The following PRKCG variants were observed in gnomAD, a reference collection of about 807,000 sequenced individuals.
PRKCG encodes protein kinase C gamma.
Under a neutral mutation model 82.0 loss-of-function variants are expected in PRKCG, and 28 were observed. The observed-to-expected ratio is 0.34, with a 90% CI of 0.25 to 0.47. PRKCG has a LOEUF of 0.47. Among genes scored for constraint, PRKCG ranks in the 20% least tolerant of loss-of-function variants. The pLI, the probability that PRKCG is intolerant of heterozygous loss-of-function variation, is 1.00. For missense variants in PRKCG, 640 were observed against 952.7 expected, an observed-to-expected ratio of 0.67 and a Z score of 4.32; for synonymous variants, 383 against 376.6, an observed-to-expected ratio of 1.02 and a Z score of -0.20.
chr19:53,906,058 C>G (rs2068804058), intron 16 of PRKCG, among the ~76,000 whole-genome samples: 1 of 67,890 alleles, frequency 1.5e-5, no homozygotes, highest in African/African-American at 1.4e-4. Flanking sequence ...CCTCCTCCTC[C>G]TCCTCCTCCT....
At chr19:53,890,493 G>A (rs762075944) in intron 5 of PRKCG, among the ~76,000 whole-genome samples, 45 of 151,970 alleles carry the variant, frequency 3.0e-4, no homozygotes, top group South Asian at 1.5e-3. Context: ...CCTGACCCCA[G>A]GTGATCCCCT....
chr19:53,898,782 CGGGGGGGGGTCCTTGGG>C (rs2068737529), intron 11 of PRKCG, among the ~76,000 whole-genome samples, 154 bp downstream of exon 11: 1 of 30,096 alleles, frequency 3.3e-5, no homozygotes, highest in Non-Finnish European at 5.9e-5. Flanking sequence ...GGGGCGTGGC[CGGGGGGGGGTCCTTGGG>C]GGGCGTGGCC....
chr19:53,889,854 C>A lies in PRKCG; in HGVS notation c.398-32C>A. 1 of 1,565,110 alleles carries A rather than the reference C, an allele frequency of 6.4e-7. No individual in the cohort carries two copies. The highest frequency in any genetic ancestry group is 8.7e-7 in the Non-Finnish European group (1 of 1,155,822). ...GTGGAGTCTTGGCTTGGGGGCGGGG[C>A]CTGAGGTGCTACCCGCAGCTTTCCC... is the stretch of plus-strand genomic sequence containing the variant. On this transcript the variant is annotated intron_variant, in intron 4 of 17. Transcript: ENST00000263431. The surrounding 1 kb of genome is among the most constrained non-coding windows in gnomAD (Gnocchi z 4.4).
chr19:53,885,578 G>A (rs1182018161), intron 3 of PRKCG, among the ~76,000 whole-genome samples: 2 of 152,106 alleles, frequency 1.3e-5, no homozygotes, highest in Admixed American at 6.6e-5. Flanking sequence ...GCCACCAAAT[G>A]GGACAGCACA....
At chr19:53,899,536 G>T in intron 11 of PRKCG, among the ~76,000 whole-genome samples, 1 of 152,078 alleles carries the variant, frequency 6.6e-6, no homozygotes, top group Non-Finnish European at 1.5e-5. Context: ...CAGGGGCTCC[G>T]AATGAGAGTG....
intron 6 of PRKCG, 110 bp downstream of exon 6, chr19:53,891,940 G>T (rs1233010863): frequency 1.5e-6 from 2 of 1,361,060 alleles, no homozygotes; most frequent in African/African-American, 2.9e-5. Flanking sequence ...AGGGAACCCA[G>T]AAAAGGGCAG....
At chr19:53,893,530 A>G in intron 9 of PRKCG, 139 bp downstream of exon 9, 4 of 940,290 alleles carry the variant, frequency 4.3e-6, no homozygotes, top group Non-Finnish European at 5.1e-6. Context: ...GTGCTTGCTG[A>G]ATAATCCAGG....
chr19:53,893,231 C>T (rs1385425110), intron 8 of PRKCG, 131 bp from the exon 9 acceptor site: 3 of 1,291,220 alleles, frequency 2.3e-6, no homozygotes, highest in South Asian at 1.2e-5. Flanking sequence ...GGACTCGAGC[C>T]CCAGGGTCTG....
Position 53,904,701 on chromosome 19 carries a change from C to T in PRKCG, c.1723C>T (p.Pro575Ser). 6.2e-7 allele frequency: 1 copy of T among 1,613,832 alleles called. No homozygotes were observed. Among genetic ancestry groups the T allele is most frequent in the Non-Finnish European group, 8.5e-7 (1 of 1,179,964 alleles). The change falls in exon 16 of 18, where the codon CCC becomes TCC. Residue 575 changes from proline (P) to serine (S), a missense_variant. Physicochemically the swap from Pro to Ser is moderately conservative, Grantham distance 74. This residue lies in a region of PRKCG where 198 missense variants were observed against 273.4 expected (regional missense o/e 0.72). Transcript: ENST00000263431. ...CATCATGGAACAAACTGTCACCTAC[C>T]CCAAGTCGCTTTCCCGGGAAGCCGT... ...QAIMEQTVTY[P>S]KSLSREAVAI...
In PRKCG at chr19:53,900,174, G is replaced by T; in HGVS notation, c.1282-59G>T. The T allele has an allele frequency of 6.6e-7, 1 of 1,512,114 alleles. No homozygotes were observed. Among genetic ancestry groups the T allele is most frequent in the Non-Finnish European group, 9.2e-7 (1 of 1,087,408 alleles). The allele number at this position is 1,512,114 out of a possible 1,614,324, so 93.7% of individuals were successfully genotyped here. A position where few individuals can be genotyped will look rare whatever the true frequency, so the allele number is the denominator to read the frequency against. On this transcript the variant is annotated intron_variant, in intron 11 of 17. Transcript: ENST00000263431. This position sits in a 1 kb window ranked among gnomAD's most constrained non-coding sequence, Gnocchi z 4.2. ...ACGTCTGTCCTGAGTGATCAGGAAA[G>T]AAATTCTCCTACTCTGGGTAGATGG...
At chr19:53,894,266 C>T (rs548604862) in intron 9 of PRKCG, among the ~76,000 whole-genome samples, 85 of 150,354 alleles carry the variant, frequency 5.7e-4, no homozygotes, top group African/African-American at 1.7e-3. Flanking sequence ...GGGGTTTCAC[C>T]GTGTTAGCCA....
At chr19:53,881,395 G>T (rs1470175924), upstream of PRKCG, among the ~76,000 whole-genome samples, 1 of 151,552 alleles carries the variant, frequency 6.6e-6, no homozygotes, top group Admixed American at 6.6e-5. Context: ...CAGAGGGAGG[G>T]GGAGACAGAG....
intron 9 of PRKCG, among the ~76,000 whole-genome samples, chr19:53,894,614 C>G (rs1467060764): frequency 1.3e-5 from 2 of 151,948 alleles, no homozygotes; most frequent in Non-Finnish European, 2.9e-5. Flanking sequence ...AGCGCACCAC[C>G]ACACCTGGCT....
At chr19:53,893,978 A>G (rs1474241531) in intron 9 of PRKCG, among the ~76,000 whole-genome samples, 1 of 151,920 alleles carries the variant, frequency 6.6e-6, no homozygotes, top group East Asian at 2.0e-4. Flanking sequence ...GCTGATCTCA[A>G]ACTCCCAAAC....
At chr19:53,895,961 G>A (rs1441252800) in intron 9 of PRKCG, among the ~76,000 whole-genome samples, 2 of 151,898 alleles carry the variant, frequency 1.3e-5, no homozygotes. Context: ...TCAGGAGGCT[G>A]AGGCAGGAGA....
At chr19:53,894,069 T>C (rs770809682) in intron 9 of PRKCG, among the ~76,000 whole-genome samples, 2 of 150,852 alleles carry the variant, frequency 1.3e-5, no homozygotes, top group Non-Finnish European at 2.9e-5. Context: ...TTCTTGAGTT[T>C]TTTATTTTTT....
Position 53,900,544 on chromosome 19 carries a change from A to T in PRKCG, c.1436+63A>T. On this transcript the variant is annotated intron_variant, in intron 13 of 17. Coordinates refer to ENST00000263431, the MANE Select transcript of PRKCG (RefSeq NM_002739.5). This position sits in a 1 kb window ranked among gnomAD's most constrained non-coding sequence, Gnocchi z 4.2. ...CCCCTGGAAGGGAAGGGATTTGAATATGTGGCTCTAGACTGCTGAACTCAA... is the reference window on the plus strand; with the variant it reads ...CCCCTGGAAGGGAAGGGATTTGAATTTGTGGCTCTAGACTGCTGAACTCAA... 1.2e-6 allele frequency: 2 copies of T among 1,614,226 alleles called. No individual in the cohort carries two copies. Among genetic ancestry groups the T allele is most frequent in the African/African-American group, 2.7e-5 (2 of 75,070 alleles).
At chr19:53,897,144 G>C (rs2068723625) in intron 9 of PRKCG, among the ~76,000 whole-genome samples, 1 of 152,174 alleles carries the variant, frequency 6.6e-6, no homozygotes, top group Non-Finnish European at 1.5e-5. Context: ...TCTCAGCCTG[G>C]CTCTGCAAGT....
chr19:53,891,529 G>A (rs1228875168), intron 5 of PRKCG, 145 bp from the exon 6 acceptor site: 16 of 933,542 alleles, frequency 1.7e-5, no homozygotes, highest in African/African-American at 6.6e-5. Flanking sequence ...TGATCCGCCC[G>A]CCTTGGCCTC....
Sources: allele counts gnomAD v4.1 joint callset (sites outside exome capture counted in the v4.1 genomes callset), GRCh38; gene constraint gnomAD v4.1.1; regional missense constraint gnomAD v4.1.1; non-coding constraint Gnocchi (gnomAD v3.1); transcripts MANE v1.5; gene names NCBI Gene and HGNC (gene_info 2026-07-23, HGNC 2026-07-21).